The following CEP162 variants were observed in gnomAD, a reference collection of about 807,000 sequenced individuals.
The protein encoded by CEP162 is centrosomal protein of 162 kDa.
A neutral mutation model predicts 169.2 loss-of-function variants in CEP162; 141 were observed. The ratio of observed to expected loss-of-function variants is 0.83; its 90% confidence interval spans 0.73 to 0.96. The LOEUF is 0.96. Ranked by LOEUF, CEP162 falls within the 40% of genes least tolerant of loss-of-function variation. CEP162 has a pLI of 0.00. For synonymous variants in CEP162, 540 were observed against 526.4 expected, an observed-to-expected ratio of 1.03 and a Z score of -0.35; for missense variants, 1,600 against 1,587.2, an observed-to-expected ratio of 1.01 and a Z score of -0.14.
intron 21 of CEP162, among the ~76,000 whole-genome samples, chr6:84,156,215 T>C (rs901813787): frequency 1.3e-5 from 2 of 152,060 alleles, no homozygotes; most frequent in African/African-American, 4.8e-5. Context: ...TCTCACTTTA[T>C]ACAAAAATAA....
chr6:84,138,680 A>G (rs2099515187), intron 25 of CEP162, among the ~76,000 whole-genome samples: 1 of 151,674 alleles, frequency 6.6e-6, no homozygotes, highest in African/African-American at 2.4e-5. Flanking sequence ...GATATTCTTA[A>G]AGTAAGAACT....
intron 16 of CEP162, 95 bp from the exon 17 acceptor site, chr6:84,171,813 C>G: frequency 2.3e-6 from 1 of 441,174 alleles, no homozygotes; most frequent in Non-Finnish European, 3.9e-6. Flanking sequence ...CTTTAAACGG[C>G]CTTTTAAGTT....
At chr6:84,149,516 A>G (rs776518627) in intron 24 of CEP162, 46 bp downstream of exon 24, 1 of 1,471,300 alleles carries the variant, frequency 6.8e-7, no homozygotes, top group Non-Finnish European at 9.1e-7. Context: ...ATTAAAGTCA[A>G]AACGAGTTTA....
chr6:84,179,470 T>G (rs1324114352), intron 13 of CEP162, among the ~76,000 whole-genome samples: 2 of 152,336 alleles, frequency 1.3e-5, no homozygotes, highest in East Asian at 1.9e-4. Context: ...TTTTGAGAAG[T>G]GTCTGTTCAT....
intron 18 of CEP162, among the ~76,000 whole-genome samples, chr6:84,168,561 C>G (rs762985846): frequency 1.4e-4 from 21 of 152,110 alleles, no homozygotes; most frequent in Non-Finnish European, 2.1e-4. Context: ...GAGGAAGTAA[C>G]TGTACTCCAC....
chr6:84,164,492 T>C (rs1379628573), intron 18 of CEP162, among the ~76,000 whole-genome samples: 2 of 152,216 alleles, frequency 1.3e-5, no homozygotes, highest in Non-Finnish European at 2.9e-5. Context: ...GTGGCACATG[T>C]ACACCATGGA....
chr6:84,175,431 A>G, intron 13 of CEP162, 84 bp from the exon 14 acceptor site: 1 of 944,966 alleles, frequency 1.1e-6, no homozygotes, highest in Non-Finnish European at 1.6e-6. Flanking sequence ...AACTAAAAAT[A>G]CAATGGAAAC....
At chr6:84,141,862 A>C (rs1254189230) in intron 25 of CEP162, among the ~76,000 whole-genome samples, 2 of 152,120 alleles carry the variant, frequency 1.3e-5, no homozygotes, top group African/African-American at 4.8e-5. Context: ...ATATTCCTTA[A>C]GACTGTCCTG....
rs1413566707 is a variant in CEP162, at chr6:84,146,615, T to C, written c.3870+72A>G. 23 of 675,920 alleles carry C rather than the reference T, an allele frequency of 3.4e-5. No homozygotes were observed. In the East Asian group the frequency reaches 6.2e-4, roughly 18 times the overall value. The allele number at this position is 675,920 out of a possible 1,614,324, so 41.9% of individuals were successfully genotyped here. Reference sequence around the variant, plus strand: ...TCTATTTGTACATTTAGGTAAAAAATTTATAAATATGAATATGATTGAAAT... The same window carrying C: ...TCTATTTGTACATTTAGGTAAAAAACTTATAAATATGAATATGATTGAAAT... On this transcript the variant is annotated intron_variant, in intron 25 of 26. Transcript: ENST00000403245.
Position 84,155,360 on chromosome 6 carries a change from C to T in CEP162, c.2932G>A (p.Gly978Ser). 1 of 1,613,640 alleles carries T rather than the reference C, an allele frequency of 6.2e-7. No individual in the cohort carries two copies. Among genetic ancestry groups the T allele is most frequent in the Middle Eastern group, 1.7e-4 (1 of 6,056 alleles). The change falls in exon 22 of 27, where the codon GGC becomes AGC. Residue 978 changes from glycine to serine, a missense_variant. Gly to Ser is a moderately conservative substitution (Grantham distance 56). Coordinates refer to ENST00000403245, the MANE Select transcript of CEP162 (RefSeq NM_014895.4). ...RIKKLEADLE[G>S]KDEDAKKSLR... Reference sequence around the variant, plus strand: ...CTTTTCTTTGCATCTTCATCTTTGCCCTCCAGATCAGCTTCTAGCTTTTTT... The same window carrying T: ...CTTTTCTTTGCATCTTCATCTTTGCTCTCCAGATCAGCTTCTAGCTTTTTT...
intron 21 of CEP162, among the ~76,000 whole-genome samples, chr6:84,160,470 ACTC>A (rs1293273058): frequency 6.6e-6 from 1 of 151,940 alleles, no homozygotes; most frequent in African/African-American, 2.4e-5. Context: ...TCCCTCCTGT[ACTC>A]CTCTCTCAGC....
intron 24 of CEP162, 114 bp downstream of exon 24, chr6:84,149,448 A>T (rs2099520304): frequency 1.8e-5 from 13 of 730,096 alleles, no homozygotes; most frequent in Non-Finnish European, 2.6e-5. Context: ...TCCCATTTCT[A>T]TCACCAAGCT....
rs746922714 is a variant in CEP162 at position 84,215,802 on chromosome 6, AAG to A, written c.291_292del (p.Leu98LysfsTer3). ...ATTTGTTTCTAAGCTATCAGTACTTAAGAGAGAGGTTCCACTGCTCTTAAGAA... is the reference window on the plus strand; with the variant it reads ...ATTTGTTTCTAAGCTATCAGTACTTAAGAGAGGTTCCACTGCTCTTAAGAA... On this transcript the variant is annotated frameshift_variant, in exon 4 of 27. Transcript: ENST00000403245. LOFTEE classifies it high-confidence loss of function. 5 of 1,592,048 alleles carry A rather than the reference AAG, an allele frequency of 3.1e-6. No individual in the cohort carries two copies. Among genetic ancestry groups the A allele is most frequent in the Middle Eastern group, 1.7e-4 (1 of 6,020 alleles).
intron 3 of CEP162, among the ~76,000 whole-genome samples, chr6:84,219,543 T>C (rs972831315): frequency 6.6e-5 from 10 of 152,202 alleles, no homozygotes; most frequent in African/African-American, 1.2e-4. Flanking sequence ...ATTCCAACAG[T>C]ACTTCATCTT....
chr6:84,148,014 T>C (rs2099519684), intron 24 of CEP162, among the ~76,000 whole-genome samples: 1 of 152,130 alleles, frequency 6.6e-6, no homozygotes, highest in Non-Finnish European at 1.5e-5. Context: ...TATGGCACTA[T>C]GGCATCATGA....
chr6:84,207,608 C>A (rs1398071810), intron 6 of CEP162, among the ~76,000 whole-genome samples: 1 of 151,704 alleles, frequency 6.6e-6, no homozygotes, highest in Non-Finnish European at 1.5e-5. Context: ...CGGAGATATA[C>A]CTAATGTAAA....
At chr6:84,134,209 C>A (rs916528811) in intron 25 of CEP162, among the ~76,000 whole-genome samples, 1 of 152,200 alleles carries the variant, frequency 6.6e-6, no homozygotes, top group Admixed American at 6.5e-5. Context: ...CCACTCCCCC[C>A]ACCAAGCTTG....
At position 84,224,292 on chromosome 6, in the gene CEP162, C is replaced by T. The variant is rs572591536; in HGVS notation, c.57+2045G>A. Among the ~76,000 whole-genome samples, 53 of 152,244 alleles carry T rather than the reference C, an allele frequency of 3.5e-4. 1 individual carries two copies. Among genetic ancestry groups the T allele is most frequent in the Admixed American group, 3.1e-3 (47 of 15,302 alleles). ...AGTACAAGAAACCAGACCCAAAGGG[C>T]CCCATAATATATAATACAATTTCTA... On this transcript the variant is annotated intron_variant, in intron 2 of 26. Coordinates refer to ENST00000403245, the MANE Select transcript of CEP162 (RefSeq NM_014895.4).
chr6:84,136,567 A>G (rs966854864), intron 25 of CEP162, among the ~76,000 whole-genome samples: 5 of 152,190 alleles, frequency 3.3e-5, no homozygotes, highest in African/African-American at 1.2e-4. Context: ...TTAGTGGGAG[A>G]CATTATAGGC....
Sources: allele counts gnomAD v4.1 joint callset (sites outside exome capture counted in the v4.1 genomes callset), GRCh38; gene constraint gnomAD v4.1.1; transcripts MANE v1.5; gene names NCBI Gene and HGNC (gene_info 2026-07-23, HGNC 2026-07-21).